Variants in THADA observed in about 807,000 individuals in gnomAD.
THADA encodes tRNA (32-2'-O)-methyltransferase regulator THADA.
In THADA, 213 loss-of-function variants were observed where a neutral mutation model predicts 219.8. The ratio of observed to expected loss-of-function variants is 0.97; its 90% CI spans 0.87 to 1.09. THADA has a LOEUF of 1.09. THADA is among the 50% of genes least tolerant of loss of function. The pLI, the probability that THADA is intolerant of heterozygous loss-of-function variation, is 0.00. For missense variants in THADA, 2,956 were observed against 2,311.3 expected, an observed-to-expected ratio of 1.28 and a Z score of -5.72; for synonymous variants, 1,018 against 828.9, an observed-to-expected ratio of 1.23 and a Z score of -3.92.
At chr2:43,495,419 C>T (rs966003506) in intron 25 of THADA, among the ~76,000 whole-genome samples, 1 of 151,870 alleles carries the variant, frequency 6.6e-6, no homozygotes, top group African/African-American at 2.4e-5. Context: ...ATTTATGCAG[C>T]CTTTTGTGGA....
intron 36 of THADA, among the ~76,000 whole-genome samples, chr2:43,270,945 G>A (rs1672046081): frequency 1.3e-5 from 2 of 152,296 alleles, no homozygotes; most frequent in South Asian, 4.1e-4. Context: ...AATGAAACAG[G>A]AGCATCAAGA....
chr2:43,428,256 A>C, intron 27 of THADA, 25 bp from the exon 28 acceptor site: 1 of 1,568,380 alleles, frequency 6.4e-7, no homozygotes, highest in South Asian at 1.1e-5. Flanking sequence ...ATTACACATG[A>C]AAGATTTCAC....
intron 26 of THADA, among the ~76,000 whole-genome samples, chr2:43,443,221 G>C (rs776598310): frequency 6.6e-6 from 1 of 152,176 alleles, no homozygotes; most frequent in African/African-American, 2.4e-5. Context: ...AACAGTTGCC[G>C]AGTGAGTGAA....
intron 30 of THADA, among the ~76,000 whole-genome samples, chr2:43,339,611 CA>C (rs1478258968): frequency 6.6e-6 from 1 of 152,078 alleles, no homozygotes; most frequent in Admixed American, 6.6e-5. Context: ...CTAAGTTTAC[CA>C]AAAGAAACAC....
chr2:43,380,715 A>T (rs1324683996), intron 29 of THADA, among the ~76,000 whole-genome samples: 2 of 152,234 alleles, frequency 1.3e-5, no homozygotes, highest in Non-Finnish European at 2.9e-5. Context: ...ATTCTCCAAT[A>T]AAAGAAACCA....
intron 26 of THADA, among the ~76,000 whole-genome samples, chr2:43,466,042 C>T (rs765689100): frequency 4.6e-5 from 7 of 152,166 alleles, no homozygotes; most frequent in Non-Finnish European, 1.0e-4. Flanking sequence ...GTCTTAATAT[C>T]TCTAATCAGT....
chr2:43,592,910 TA>T (rs1701730030), intron 1 of THADA: 2 of 152,086 alleles, frequency 1.3e-5, no homozygotes, highest in Admixed American at 6.6e-5. Context: ...TGAAAAAAAA[TA>T]TTTTTTTAAT....
At chr2:43,309,129 C>A (rs2031212514) in intron 31 of THADA, among the ~76,000 whole-genome samples, 1 of 152,074 alleles carries the variant, frequency 6.6e-6, no homozygotes. Context: ...ACAAACAACT[C>A]GAATTTAAAA....
intron 28 of THADA, among the ~76,000 whole-genome samples, chr2:43,427,258 A>G (rs1678574785): frequency 6.6e-6 from 1 of 152,192 alleles, no homozygotes; most frequent in African/African-American, 2.4e-5. Context: ...TACCAGAACC[A>G]AGCCTGCTCC....
intron 22 of THADA, among the ~76,000 whole-genome samples, chr2:43,514,080 G>A (rs1279614972): frequency 1.3e-5 from 2 of 149,798 alleles, no homozygotes; most frequent in African/African-American, 2.4e-5. Flanking sequence ...AAAAAATAAA[G>A]AACAAGAAAT....
intron 26 of THADA, among the ~76,000 whole-genome samples, chr2:43,483,060 A>T (rs1379386658): frequency 6.6e-6 from 1 of 152,182 alleles, no homozygotes; most frequent in African/African-American, 2.4e-5. Flanking sequence ...TGGAAAAAGC[A>T]GATGTTCTTT....
intron 34 of THADA, among the ~76,000 whole-genome samples, chr2:43,287,320 G>A (rs1313785335): frequency 6.6e-6 from 1 of 152,022 alleles, no homozygotes; most frequent in Non-Finnish European, 1.5e-5. Context: ...TTTGAGGCAA[G>A]GTCTTGCTCT....
intron 30 of THADA, among the ~76,000 whole-genome samples, chr2:43,329,480 C>A (rs936166568): frequency 6.6e-6 from 1 of 151,938 alleles, no homozygotes; most frequent in Non-Finnish European, 1.5e-5. Flanking sequence ...GGAAATTAGC[C>A]CTGGTAAAAA....
At chr2:43,391,383 G>C (rs1039728026) in intron 29 of THADA, among the ~76,000 whole-genome samples, 12 of 152,110 alleles carry the variant, frequency 7.9e-5, no homozygotes, top group African/African-American at 2.9e-4. Flanking sequence ...GTGCAGTACA[G>C]TCAATGCTCC....
intron 8 of THADA, among the ~76,000 whole-genome samples, chr2:43,581,055 AAGAG>A (rs1365888204): frequency 6.6e-6 from 1 of 152,218 alleles, no homozygotes; most frequent in Non-Finnish European, 1.5e-5. Flanking sequence ...ATGGGAGGTG[AAGAG>A]AGAAAGGATA....
Position 43,551,886 on chromosome 2 carries a change from C to T in THADA, c.2850G>A (p.Glu950=). The change falls in exon 19 of 38, where the codon GAG becomes GAA. Residue 950 remains glutamate, a synonymous_variant. Transcript: ENST00000405975. ...QLVSEWRPVV[E]KLLLMSYRLS... is the part of the protein sequence containing the mutation. ...GCCTGTAGGACATCAAAAGGAGCTTCTCTACCACAGGTCTCCACTCGCTCA... is the reference window on the plus strand; with the variant it reads ...GCCTGTAGGACATCAAAAGGAGCTTTTCTACCACAGGTCTCCACTCGCTCA... 2 of 1,613,882 alleles carry T rather than the reference C, an allele frequency of 1.2e-6. No individual in the cohort carries two copies. Among genetic ancestry groups the T allele is most frequent in the South Asian group, 2.2e-5 (2 of 91,076 alleles).
At chr2:43,567,416 G>C (rs751131157) in intron 14 of THADA, among the ~76,000 whole-genome samples, 6 of 152,030 alleles carry the variant, frequency 3.9e-5, no homozygotes, top group Non-Finnish European at 8.8e-5. Flanking sequence ...GATCACCTGA[G>C]GTCAGAAGTT....
rs934409428 is a variant in THADA at position 43,571,682 on chromosome 2, T to C, written c.2064+25A>G. The stretch of plus-strand genomic sequence containing the variant: ...TCCCAAACAAAGTTCACCACTTCCC[T>C]ATGCCTTCTGATGGGAAATTCTACC... On this transcript the variant is annotated intron_variant, in intron 13 of 37. Transcript: ENST00000405975. The C allele has an allele frequency of 2.5e-6, 4 of 1,599,056 alleles. No individual in the cohort carries two copies. The Admixed American group carries it at 7.0e-5, about 28-fold the overall frequency.
At chr2:43,536,259 G>A (rs1694590540) in intron 21 of THADA, among the ~76,000 whole-genome samples, 1 of 152,138 alleles carries the variant, frequency 6.6e-6, no homozygotes, top group Non-Finnish European at 1.5e-5. Flanking sequence ...TCAGTTGGCG[G>A]TAGATACATT....
Sources: gnomAD v4.1 joint callset for allele counts (sites outside exome capture counted in the v4.1 genomes callset) on GRCh38, gnomAD v4.1.1 for gene constraint, MANE v1.5 for transcripts, NCBI Gene and HGNC (gene_info 2026-07-23, HGNC 2026-07-21) for gene names.